Variants in COL28A1 observed in about 807,000 individuals in gnomAD.
The protein encoded by COL28A1 is collagen type XXVIII alpha 1 chain, also known as collagen alpha-1(XXVIII) chain.
Under a neutral mutation model 150.2 loss-of-function variants are expected in COL28A1, and 161 were observed. That is an observed-to-expected ratio of 1.07 (90% CI 0.94 to 1.22). COL28A1 has a LOEUF of 1.22. Ranked by LOEUF, COL28A1 falls within the 50% of genes most tolerant of loss-of-function variation. The pLI, the probability that COL28A1 is intolerant of heterozygous loss-of-function variation, is 0.00. For synonymous variants in COL28A1, 552 were observed against 469.7 expected (o/e 1.18, Z -2.26); for missense variants, 1,617 against 1,388.3 (o/e 1.16, Z -2.62).
intron 27 of COL28A1, among the ~76,000 whole-genome samples, chr7:7,386,355 G>C (rs1174957024): frequency 1.3e-5 from 2 of 152,134 alleles, no homozygotes; most frequent in African/African-American, 4.8e-5. Flanking sequence ...CCAGTGTGTA[G>C]AAAAGTGGAA....
At chr7:7,513,221 G>T (rs1385546142) in intron 8 of COL28A1, among the ~76,000 whole-genome samples, 1 of 152,126 alleles carries the variant, frequency 6.6e-6, no homozygotes, top group African/African-American at 2.4e-5. Context: ...TAGCAGCCTT[G>T]CGAGGTATAT....
chr7:7,403,253 G>A (rs1203180920), intron 27 of COL28A1, among the ~76,000 whole-genome samples: 3 of 152,078 alleles, frequency 2.0e-5, no homozygotes, highest in African/African-American at 7.2e-5. Flanking sequence ...CTTTCACGGG[G>A]AAGTGAAAGA....
rs1327156433 is a variant in COL28A1 at position 7,452,373 on chromosome 7, T to C, written c.1455A>G (p.Gln485=). 8.1e-6 allele frequency: 13 copies of C among 1,601,096 alleles called. No homozygotes were observed. The highest frequency in any genetic ancestry group is 1.1e-5 in the South Asian group (1 of 88,232). ...GLPGSKGEVG[Q]MGPTGPRGPV... ...GTCCTCGAGGGCCTGTAGGTCCCAT[T>C]TGGCCTACTTCTCCCTAGTAAGAAA... Residue 485 remains glutamine, a synonymous_variant, in exon 18 of 35, where the codon CAA becomes CAG. Coordinates refer to ENST00000399429, the MANE Select transcript of COL28A1 (RefSeq NM_001037763.3).
At chr7:7,383,281 TGTGTG>T (rs1781979080) in intron 27 of COL28A1, among the ~76,000 whole-genome samples, 3 of 137,996 alleles carry the variant, frequency 2.2e-5, no homozygotes, top group African/African-American at 9.3e-5. Context: ...TGTGTGTGTG[TGTGTG>T]TGTTTTTTTT....
In COL28A1 at chr7:7,535,865, A is replaced by G. The variant is rs1243392012; in HGVS notation, c.-153T>C. On this transcript the variant is annotated 5_prime_UTR_variant, in exon 1 of 35. Transcript: ENST00000399429. ...ATTGTTCTGTTCTGTGGGAAATAAA[A>G]GTGTCTTTGCTTTAGGATCTTTTGC... 1 of 152,192 alleles carries G rather than the reference A, an allele frequency of 6.6e-6. No homozygotes were observed. 9.4% of individuals were successfully genotyped at this position (152,192 alleles called of 1,614,324 possible).
chr7:7,535,951 G>C (rs913287677), upstream of COL28A1: 5 of 152,158 alleles, frequency 3.3e-5, no homozygotes, highest in African/African-American at 9.7e-5. Flanking sequence ...ATTTGGCCAG[G>C]GTGCAAGATC....
At chr7:7,506,688 C>T (rs1780828703) in intron 10 of COL28A1, among the ~76,000 whole-genome samples, 2 of 152,070 alleles carry the variant, frequency 1.3e-5, no homozygotes, top group African/African-American at 4.8e-5. Context: ...AGAATCAGTC[C>T]ATATTATAGA....
At chr7:7,400,967 G>A (rs1394121538) in intron 27 of COL28A1, among the ~76,000 whole-genome samples, 1 of 104,674 alleles carries the variant, frequency 9.6e-6, no homozygotes, top group Non-Finnish European at 2.0e-5. Context: ...AGGACGTGTG[G>A]GTATTTGGGT....
At chr7:7,347,928 G>A in the COL28A1 span, among the ~76,000 whole-genome samples, 1 of 152,064 alleles carries the variant, frequency 6.6e-6, no homozygotes, top group Non-Finnish European at 1.5e-5. Context: ...GGCAATGGGG[G>A]AGGGGGGTAA....
At chr7:7,371,617 A>T (rs1781225678) in intron 32 of COL28A1, among the ~76,000 whole-genome samples, 1 of 152,228 alleles carries the variant, frequency 6.6e-6, no homozygotes, top group African/African-American at 2.4e-5. Flanking sequence ...TTACTTCACA[A>T]ACTTGCCAGG....
the COL28A1 span, among the ~76,000 whole-genome samples, chr7:7,541,966 C>T: frequency 1.0e-4 from 15 of 150,378 alleles, no homozygotes; most frequent in Non-Finnish European, 2.9e-5. Context: ...TAAGTAATCA[C>T]ATATCTAACT....
At chr7:7,384,331 G>T (rs1782060472) in intron 27 of COL28A1, among the ~76,000 whole-genome samples, 1 of 152,154 alleles carries the variant, frequency 6.6e-6, no homozygotes, top group African/African-American at 2.4e-5. Flanking sequence ...TGCTTAGAGG[G>T]AACAAGTAGG....
intron 26 of COL28A1, 140 bp from the exon 27 acceptor site, chr7:7,418,067 T>A (rs1470194008): frequency 3.3e-6 from 2 of 598,926 alleles, no homozygotes; most frequent in Non-Finnish European, 5.7e-6. Flanking sequence ...ACTTCCTATT[T>A]TACTTAGAGT....
intron 27 of COL28A1, among the ~76,000 whole-genome samples, chr7:7,396,140 A>G (rs937255741): frequency 1.6e-4 from 25 of 152,130 alleles, no homozygotes; most frequent in Non-Finnish European, 3.4e-4. Flanking sequence ...ATACATATTG[A>G]TAGAAGGACC....
intron 27 of COL28A1, among the ~76,000 whole-genome samples, chr7:7,389,456 C>G (rs1237483926): frequency 6.6e-6 from 1 of 152,100 alleles, no homozygotes. Context: ...GTCCTTTTTG[C>G]TTAAGATTGT....
chr7:7,496,554 T>A (rs531571216), intron 11 of COL28A1, among the ~76,000 whole-genome samples: 1 of 152,196 alleles, frequency 6.6e-6, no homozygotes, highest in Non-Finnish European at 1.5e-5. Context: ...AATTAATCTT[T>A]TTTTTTAGCT....
At chr7:7,363,959 T>G (rs1219372882) in intron 33 of COL28A1, among the ~76,000 whole-genome samples, 2 of 152,092 alleles carry the variant, frequency 1.3e-5, no homozygotes, top group Non-Finnish European at 1.5e-5. Context: ...TCCACATTTT[T>G]ATAACCTTGT....
chr7:7,490,466 A>T, intron 12 of COL28A1, 112 bp downstream of exon 12: 1 of 519,740 alleles, frequency 1.9e-6, no homozygotes, highest in Non-Finnish European at 3.4e-6. Flanking sequence ...TAACTTCAGG[A>T]AGCCTCCTTG....
intron 18 of COL28A1, among the ~76,000 whole-genome samples, chr7:7,445,298 G>C (rs959579897): frequency 3.9e-5 from 6 of 152,162 alleles, no homozygotes; most frequent in African/African-American, 1.2e-4. Context: ...TGTGATAAGA[G>C]AGGCAAAGAC....
Sources: allele counts gnomAD v4.1 joint callset (sites outside exome capture counted in the v4.1 genomes callset), GRCh38; gene constraint gnomAD v4.1.1; transcripts MANE v1.5; gene names NCBI Gene and HGNC (gene_info 2026-07-23, HGNC 2026-07-21).